Variants in PTPRG observed in about 807,000 individuals in gnomAD.
PTPRG encodes the protein receptor-type tyrosine-protein phosphatase gamma.
Under a neutral mutation model 165.3 loss-of-function variants are expected in PTPRG, and 102 were observed. The ratio of observed to expected loss-of-function variants is 0.62; its 90% CI spans 0.53 to 0.73. The LOEUF (loss-of-function observed/expected upper bound fraction) is 0.73. PTPRG is among the 30% of genes least tolerant of loss of function. The probability of loss-of-function intolerance (pLI) is 0.00; values close to 1 mark genes in which losing one functional copy is unlikely to be tolerated. For synonymous variants in PTPRG, 675 were observed against 669.5 expected, an observed-to-expected ratio of 1.01 and a Z score of -0.13; for missense variants, 1,866 against 1,861.4, an observed-to-expected ratio of 1.00 and a Z score of -0.05.
intron 1 of PTPRG, among the ~76,000 whole-genome samples, chr3:61,647,195 C>G (rs1702222239): frequency 6.6e-6 from 1 of 152,172 alleles, no homozygotes; most frequent in African/African-American, 2.4e-5. Context: ...GACTATTCTC[C>G]TTTACTAAGC....
At chr3:61,836,721 T>G (rs573048722) in intron 2 of PTPRG, among the ~76,000 whole-genome samples, 17 of 143,798 alleles carry the variant, frequency 1.2e-4, no homozygotes, top group South Asian at 9.4e-4. Flanking sequence ...AACCAGTTTT[T>G]TTGTTGTTGT....
At chr3:61,816,747 T>C (rs752887890) in intron 2 of PTPRG, among the ~76,000 whole-genome samples, 23 of 151,746 alleles carry the variant, frequency 1.5e-4, no homozygotes, top group South Asian at 2.1e-4. Flanking sequence ...TGATGAGATA[T>C]GATGAAAGTT....
intron 14 of PTPRG, among the ~76,000 whole-genome samples, chr3:62,236,719 T>C (rs1701041066): frequency 6.6e-6 from 1 of 152,196 alleles, no homozygotes; most frequent in African/African-American, 2.4e-5. Context: ...AATTCCTATA[T>C]ACCAACAATC....
chr3:62,176,581 T>C (rs1038655856), intron 8 of PTPRG, among the ~76,000 whole-genome samples: 1 of 152,270 alleles, frequency 6.6e-6, no homozygotes, highest in East Asian at 1.9e-4. Flanking sequence ...GAGGTGCTCT[T>C]ACCTTCCTAA....
intron 2 of PTPRG, among the ~76,000 whole-genome samples, chr3:61,797,869 T>C (rs561901176): frequency 2.0e-5 from 3 of 150,292 alleles, no homozygotes; most frequent in Admixed American, 6.6e-5. Flanking sequence ...GAAGGAAAGA[T>C]GAAGGAGGGA....
In PTPRG at chr3:62,266,296, C is replaced by T. The variant is rs757771760; in HGVS notation, c.2657-1114C>T. Among the ~76,000 whole-genome samples the T allele has an allele frequency of 7.9e-5, 12 of 152,144 alleles. No homozygotes were observed. In the East Asian group the frequency reaches 1.4e-3, roughly 17 times the overall value. ...AGCATAGAAACAAGTAAAATCAGAC[C>T]GTGAATGAGCCAGAAACATGATGTA... On this transcript the variant is annotated intron_variant, in intron 17 of 29. Transcript: ENST00000474889.
At position 61,866,582 on chromosome 3, in the gene PTPRG, CTTTTTTTTTTTTTTT is replaced by C. The variant is rs532356516; in HGVS notation, c.190+117622_190+117636del. Reference sequence around the variant, plus strand: ...TTCCCTGGCTTTGGAACTGTTTGCTCTTTTTTTTTTTTTTTTTTTTTTTTTTTTTTTTTTTTGAGA... The same window carrying C: ...TTCCCTGGCTTTGGAACTGTTTGCTCTTTTTTTTTTTTTTTTTTTTTGAGA... On this transcript the variant is annotated intron_variant, in intron 2 of 29. Transcript: ENST00000474889. 9.8e-3 allele frequency among the ~76,000 whole-genome samples: 677 copies of C among 69,066 alleles called. 4 individuals are homozygous for C. The highest frequency in any genetic ancestry group is 0.026 in the African/African-American group (607 of 23,420). The allele number at this position is 69,066 out of a possible 152,430, so 45.3% of individuals were successfully genotyped here.
At chr3:61,562,846 C>G (rs1699798058) in intron 1 of PTPRG, among the ~76,000 whole-genome samples, 1 of 152,068 alleles carries the variant, frequency 6.6e-6, no homozygotes, top group East Asian at 1.9e-4. Context: ...TGTTCTCCAT[C>G]CCTTTGGGAG....
rs1198782809 is a variant in PTPRG, at chr3:62,213,792, C to T, written c.2156-5059C>T. ...GGGCATATAATGATATGGGTGTATACTCAGGGCCACATTTTGTGTGTTGTA... is the reference window on the plus strand; with the variant it reads ...GGGCATATAATGATATGGGTGTATATTCAGGGCCACATTTTGTGTGTTGTA... On this transcript the variant is annotated intron_variant, in intron 12 of 29. Coordinates refer to ENST00000474889, the MANE Select transcript of PTPRG (RefSeq NM_002841.4). This position sits in a 1 kb window ranked among gnomAD's most constrained non-coding sequence, Gnocchi z 4.4. 6.6e-6 allele frequency among the ~76,000 whole-genome samples: 1 copy of T among 152,174 alleles called. No individual in the cohort carries two copies. The highest frequency in any genetic ancestry group is 1.5e-5 in the Non-Finnish European group (1 of 68,044).
At chr3:61,977,702 T>C (rs1325357537) in intron 2 of PTPRG, among the ~76,000 whole-genome samples, 1 of 152,226 alleles carries the variant, frequency 6.6e-6, no homozygotes, top group African/African-American at 2.4e-5. Flanking sequence ...TATGATTCAG[T>C]GTTCAAAGAG....
At chr3:62,016,783 C>T (rs2041554178) in intron 4 of PTPRG, among the ~76,000 whole-genome samples, 1 of 152,098 alleles carries the variant, frequency 6.6e-6, no homozygotes, top group South Asian at 2.1e-4. Flanking sequence ...CCCTAGTTGA[C>T]CTGGCTTCTA....
At chr3:61,857,760 T>C (rs941315645) in intron 2 of PTPRG, among the ~76,000 whole-genome samples, 1 of 152,198 alleles carries the variant, frequency 6.6e-6, no homozygotes, top group Non-Finnish European at 1.5e-5. Context: ...TGTGTGTTGT[T>C]GGCGTCTTCA....
intron 4 of PTPRG, among the ~76,000 whole-genome samples, chr3:62,056,865 C>G (rs1245016910): frequency 6.6e-6 from 1 of 152,166 alleles, no homozygotes; most frequent in Non-Finnish European, 1.5e-5. Context: ...GGAAGACAAA[C>G]TGTTTCTGTT....
chr3:61,859,082 CTT>C (rs2037190219), intron 2 of PTPRG, among the ~76,000 whole-genome samples: 1 of 152,004 alleles, frequency 6.6e-6, no homozygotes, highest in Admixed American at 6.6e-5. Context: ...TTTTTTAAGA[CTT>C]TAAGCAAAAT....
chr3:61,619,569 C>T (rs764526904), intron 1 of PTPRG, among the ~76,000 whole-genome samples: 11 of 152,206 alleles, frequency 7.2e-5, no homozygotes, highest in Non-Finnish European at 8.8e-5. Flanking sequence ...AGAAACCCAA[C>T]ACTGAACAAT....
At chr3:61,878,815 A>C (rs1216940513) in intron 2 of PTPRG, among the ~76,000 whole-genome samples, 1 of 152,146 alleles carries the variant, frequency 6.6e-6, no homozygotes, top group Admixed American at 6.5e-5. Context: ...CCAGGTGTAT[A>C]AAACACAATA....
chr3:61,562,229 A>G lies in PTPRG; in HGVS notation c.-59A>G. The G allele has an allele frequency of 1.3e-6, 2 of 1,507,920 alleles. No homozygotes were observed. Among genetic ancestry groups the G allele is most frequent in the East Asian group, 2.3e-5 (1 of 44,266 alleles). 93.4% of individuals were successfully genotyped at this position (1,507,920 alleles called of 1,614,324 possible). ...CTTAGCGGAGGCTCGCACGGAGGCA[A>G]GAACTTATTCAACAAGTTTACCTCC... On this transcript the variant is annotated 5_prime_UTR_variant, in exon 1 of 30. Coordinates refer to ENST00000474889, the MANE Select transcript of PTPRG (RefSeq NM_002841.4).
At chr3:62,111,882 G>A (rs1414738463) in intron 5 of PTPRG, among the ~76,000 whole-genome samples, 1 of 152,134 alleles carries the variant, frequency 6.6e-6, no homozygotes, top group Non-Finnish European at 1.5e-5. Flanking sequence ...TGTCCTCAAA[G>A]CCCTCATCTA....
chr3:61,687,319 A>G (rs1472102438), intron 1 of PTPRG, among the ~76,000 whole-genome samples: 1 of 152,214 alleles, frequency 6.6e-6, no homozygotes, highest in East Asian at 1.9e-4. Context: ...ATAGATTCAG[A>G]TAAGCAGTGG....
Sources: gnomAD v4.1 joint callset for allele counts (sites outside exome capture counted in the v4.1 genomes callset) on GRCh38, gnomAD v4.1.1 for gene constraint, Gnocchi (gnomAD v3.1) non-coding constraint, MANE v1.5 for transcripts, NCBI Gene and HGNC (gene_info 2026-07-23, HGNC 2026-07-21) for gene names.